Variants in PPFIA1 observed in about 807,000 individuals in gnomAD.
PPFIA1 encodes the protein PPFI scaffold protein A1, also known as liprin-alpha-1.
PPFIA1 carries 25 observed loss-of-function variants against 149.9 expected under a neutral mutation model. The ratio of observed to expected loss-of-function variants is 0.17; its 90% CI spans 0.12 to 0.23. The LOEUF is 0.23. Among genes scored for constraint, PPFIA1 ranks in the 10% least tolerant of loss-of-function variants. The pLI, the probability that PPFIA1 is intolerant of heterozygous loss-of-function variation, is 1.00. For missense variants in PPFIA1, 1,362 were observed against 1,506.5 expected (o/e 0.90, Z 1.59); for synonymous variants, 549 against 552.8 (o/e 0.99, Z 0.10).
At chr11:70,280,117 A>G (rs2050662032) in intron 2 of PPFIA1, among the ~76,000 whole-genome samples, 2 of 151,998 alleles carry the variant, frequency 1.3e-5, no homozygotes, top group African/African-American at 2.4e-5. Flanking sequence ...CATGTTGCAC[A>G]GACTGGTCTC....
intron 19 of PPFIA1, among the ~76,000 whole-genome samples, chr11:70,357,878 C>T (rs1309180976): frequency 2.0e-5 from 3 of 152,144 alleles, no homozygotes; most frequent in Non-Finnish European, 4.4e-5. Flanking sequence ...TGAGCCACCG[C>T]GCCCAGCCAA....
At chr11:70,335,522 A>G (rs754000399) in intron 10 of PPFIA1, 41 bp from the exon 11 acceptor site, 1 of 1,605,110 alleles carries the variant, frequency 6.2e-7, no homozygotes, top group Non-Finnish European at 8.5e-7. Flanking sequence ...ATGATCGAGG[A>G]TTTACGTGAG....
intron 2 of PPFIA1, among the ~76,000 whole-genome samples, chr11:70,306,406 T>G (rs557458773): frequency 2.6e-5 from 4 of 152,340 alleles, no homozygotes; most frequent in Admixed American, 1.3e-4. Flanking sequence ...AGCAATCTGG[T>G]GTCTCCTTTT....
Position 70,329,630 on chromosome 11 carries a change from A to G in PPFIA1, c.931-543A>G, listed in dbSNP as rs188980072. Among the ~76,000 whole-genome samples, 6 of 152,218 alleles carry G rather than the reference A, an allele frequency of 3.9e-5. No individual in the cohort carries two copies. The East Asian group carries it at 1.2e-3, about 30-fold the overall frequency. ...CGTGGCTAATTTTTGTTTCTTTAAA[A>G]TGTTTTTGGCCAGGGACACTGGCTC... is the stretch of plus-strand genomic sequence containing the variant. On this transcript the variant is annotated intron_variant, in intron 7 of 27. Coordinates refer to ENST00000253925, the MANE Select transcript of PPFIA1 (RefSeq NM_003626.5).
intron 21 of PPFIA1, among the ~76,000 whole-genome samples, chr11:70,366,488 A>G (rs932733729): frequency 6.6e-6 from 1 of 152,234 alleles, no homozygotes; most frequent in African/African-American, 2.4e-5. Context: ...TGAGTACTGT[A>G]TATTTGAATT....
chr11:70,279,964 A>G (rs186816255), intron 2 of PPFIA1, among the ~76,000 whole-genome samples: 1 of 143,436 alleles, frequency 7.0e-6, no homozygotes, highest in African/African-American at 2.7e-5. Flanking sequence ...GCTGTAGTGT[A>G]GTGGTGCAGT....
At chr11:70,282,595 C>T (rs2050829723) in intron 2 of PPFIA1, among the ~76,000 whole-genome samples, 1 of 123,818 alleles carries the variant, frequency 8.1e-6, no homozygotes, top group Non-Finnish European at 1.6e-5. Context: ...GTGGCGTGAT[C>T]TCGGCTCACT....
chr11:70,341,751 G>C (rs1445502879), intron 14 of PPFIA1: 3 of 153,934 alleles, frequency 1.9e-5, no homozygotes, highest in African/African-American at 7.2e-5. Flanking sequence ...CATCGGTGGG[G>C]AGACTGGGAA....
chr11:70,319,761 C>T (rs1038766415), intron 2 of PPFIA1, among the ~76,000 whole-genome samples: 6 of 152,236 alleles, frequency 3.9e-5, no homozygotes, highest in Admixed American at 3.3e-4. Context: ...CTTATGACCT[C>T]ACCGGCTTCC....
At chr11:70,279,722 G>GGGGTGT (rs1264108021) in intron 2 of PPFIA1, among the ~76,000 whole-genome samples, 31 of 135,394 alleles carry the variant, frequency 2.3e-4, no homozygotes, top group African/African-American at 8.9e-4. Flanking sequence ...TATGTGTCTA[G>GGGGTGT]GTGTGTGTGT....
chr11:70,312,380 C>T (rs2053340553), intron 2 of PPFIA1, among the ~76,000 whole-genome samples: 1 of 151,868 alleles, frequency 6.6e-6, no homozygotes, highest in Admixed American at 6.5e-5. Flanking sequence ...TGGGAGGGAC[C>T]AGGTTTCACC....
At chr11:70,348,565 A>T (rs777992174) in intron 16 of PPFIA1, 145 bp downstream of exon 16, 1 of 737,770 alleles carries the variant, frequency 1.4e-6, no homozygotes, top group Non-Finnish European at 2.2e-6. Flanking sequence ...CTATTTAATC[A>T]TTCAGTTATG....
intron 1 of PPFIA1, 48 bp from the exon 2 acceptor site, chr11:70,272,125 A>G: frequency 6.4e-7 from 1 of 1,572,098 alleles, no homozygotes; most frequent in Non-Finnish European, 8.7e-7. Flanking sequence ...ATTTGTGGGA[A>G]CCTGTATTCT....
At chr11:70,358,127 T>C (rs951088552) in intron 19 of PPFIA1, 1 of 152,214 alleles carries the variant, frequency 6.6e-6, no homozygotes, top group Non-Finnish European at 1.5e-5. Flanking sequence ...GGGGAAAATT[T>C]CCAAGTACAA....
At chr11:70,289,857 G>A (rs889834251) in intron 2 of PPFIA1, among the ~76,000 whole-genome samples, 4 of 152,146 alleles carry the variant, frequency 2.6e-5, no homozygotes, top group East Asian at 1.9e-4. Context: ...TGGGAGGATC[G>A]CTTGAGACCA....
chr11:70,275,549 T>G (rs950633312), intron 2 of PPFIA1, among the ~76,000 whole-genome samples: 1 of 152,244 alleles, frequency 6.6e-6, no homozygotes, highest in Admixed American at 6.5e-5. Flanking sequence ...AAAAACTATT[T>G]TTTAATCTTC....
intron 2 of PPFIA1, among the ~76,000 whole-genome samples, chr11:70,297,690 TG>T (rs1488381014): frequency 6.6e-6 from 1 of 152,240 alleles, no homozygotes; most frequent in African/African-American, 2.4e-5. Context: ...ACAGTGTCTC[TG>T]GGAAGGTGGA....
rs1173294333 is a variant in PPFIA1 at position 70,384,042 on chromosome 11, G to A, written c.*1052G>A. ...TTGTTTGTAAACATGTTTAAAGAACGAACCTAGTGGGACATTTTTAGACTT... is the reference window on the plus strand; with the variant it reads ...TTGTTTGTAAACATGTTTAAAGAACAAACCTAGTGGGACATTTTTAGACTT... On this transcript the variant is annotated 3_prime_UTR_variant, in exon 28 of 28. Coordinates refer to ENST00000253925, the MANE Select transcript of PPFIA1 (RefSeq NM_003626.5). 6.6e-6 allele frequency: 1 copy of A among 152,234 alleles called. No individual in the cohort carries two copies. The highest frequency in any genetic ancestry group is 2.4e-5 in the African/African-American group (1 of 41,462). The allele number at this position is 152,234 out of a possible 1,614,324, so 9.4% of individuals were successfully genotyped here. A position where few individuals can be genotyped will look rare whatever the true frequency, so the allele number is the denominator to read the frequency against.
chr11:70,311,836 CTTTTTTTTT>C (rs140584652), intron 2 of PPFIA1, among the ~76,000 whole-genome samples: 2 of 70,110 alleles, frequency 2.9e-5, no homozygotes, highest in Non-Finnish European at 5.3e-5. Flanking sequence ...AGTGAGTCAG[CTTTTTTTTT>C]TTTTTTTTTT....
Sources: gnomAD v4.1 joint callset for allele counts (sites outside exome capture counted in the v4.1 genomes callset) on GRCh38, gnomAD v4.1.1 for gene constraint, MANE v1.5 for transcripts, NCBI Gene and HGNC (gene_info 2026-07-23, HGNC 2026-07-21) for gene names.